The following SUPT3H variants were observed in gnomAD, a reference collection of about 807,000 sequenced individuals.
The protein encoded by SUPT3H is transcription initiation protein SPT3 homolog.
Under a neutral mutation model 44.3 loss-of-function variants are expected in SUPT3H, and 44 were observed. The ratio of observed to expected loss-of-function variants is 0.99; its 90% CI spans 0.78 to 1.28. The LOEUF is 1.28. Among genes scored for constraint, SUPT3H ranks in the 50% most tolerant of loss-of-function variants. The pLI is 0.00. For synonymous variants in SUPT3H, 124 were observed against 125.6 expected, an observed-to-expected ratio of 0.99 and a Z score of 0.09; for missense variants, 380 against 387.1, an observed-to-expected ratio of 0.98 and a Z score of 0.15.
intron 3 of SUPT3H, among the ~76,000 whole-genome samples, chr6:45,050,048 A>T (rs546056210): frequency 6.6e-6 from 1 of 152,318 alleles, no homozygotes; most frequent in East Asian, 1.9e-4. Flanking sequence ...ATGAACAGGT[A>T]AAACAGAGCT....
At chr6:44,825,260 T>C (rs140661196), downstream of SUPT3H, among the ~76,000 whole-genome samples, 56 of 152,240 alleles carry the variant, frequency 3.7e-4, no homozygotes, top group East Asian at 9.6e-3. Context: ...CCTATATAAT[T>C]ATATTCTATT....
intron 6 of SUPT3H, among the ~76,000 whole-genome samples, chr6:44,980,880 A>G (rs957499325): frequency 6.6e-5 from 10 of 152,220 alleles, no homozygotes; most frequent in South Asian, 6.2e-4. Context: ...ACCATGTCTA[A>G]TAACTGTCCT....
chr6:45,056,341 G>T lies in SUPT3H; in HGVS notation c.187-35709C>A, dbSNP rs552218901. Among the ~76,000 whole-genome samples the T allele has an allele frequency of 2.0e-5, 3 of 152,246 alleles. No homozygotes were observed. The South Asian group carries it at 6.2e-4, about 32-fold the overall frequency. On this transcript the variant is annotated intron_variant, in intron 3 of 10. Coordinates refer to ENST00000371459, the MANE Select transcript of SUPT3H (RefSeq NM_003599.4). ...AATCCCACTCCTGGGTATCTACCCA[G>T]AGGAAAATAAGTCATTATATGAAAA...
chr6:44,852,199 T>C (rs1473499641), intron 10 of SUPT3H, among the ~76,000 whole-genome samples: 1 of 152,174 alleles, frequency 6.6e-6, no homozygotes, highest in African/African-American at 2.4e-5. Flanking sequence ...ATTAGGCAAA[T>C]GGGCACCTGA....
At chr6:45,003,536 T>C in intron 6 of SUPT3H, 117 bp downstream of exon 6, 1 of 1,258,746 alleles carries the variant, frequency 7.9e-7, no homozygotes, top group Non-Finnish European at 1.1e-6. Context: ...CCATCAGACA[T>C]AAAACCACTG....
downstream of SUPT3H, among the ~76,000 whole-genome samples, chr6:44,825,903 A>G (rs529996402): frequency 3.2e-3 from 494 of 152,306 alleles, 8 homozygotes; most frequent in African/African-American, 0.011. Context: ...AGATAATTAC[A>G]GTGGCTCCCA....
In SUPT3H at chr6:45,246,757, A is replaced by C. The variant is rs961060052; in HGVS notation, c.101+118444T>G. ...ATTCACGGGTCAAGGCAGATGTCTT[A>C]AGGGGATTTACACATATTTTTAACT... On this transcript the variant is annotated intron_variant, in intron 2 of 10. Coordinates refer to ENST00000371459, the MANE Select transcript of SUPT3H (RefSeq NM_003599.4). 2.6e-5 allele frequency among the ~76,000 whole-genome samples: 4 copies of C among 152,302 alleles called. 1 individual carries two copies. Among genetic ancestry groups the C allele is most frequent in the Admixed American group, 2.0e-4 (3 of 15,296 alleles).
intron 10 of SUPT3H, among the ~76,000 whole-genome samples, chr6:44,900,825 T>G (rs1020174044): frequency 3.3e-5 from 5 of 152,114 alleles, no homozygotes; most frequent in Non-Finnish European, 7.4e-5. Flanking sequence ...GAGACAAAAC[T>G]TCCAGAGGAA....
intron 10 of SUPT3H, among the ~76,000 whole-genome samples, chr6:44,909,597 G>A (rs548411714): frequency 2.0e-5 from 3 of 152,254 alleles, no homozygotes; most frequent in Admixed American, 1.3e-4. Flanking sequence ...ATTTTCCTAT[G>A]TACGAAGACT....
intron 9 of SUPT3H, 54 bp from the exon 10 acceptor site, chr6:44,932,817 TA>T: frequency 8.4e-7 from 1 of 1,196,046 alleles, no homozygotes; most frequent in Non-Finnish European, 1.2e-6. Flanking sequence ...GCAACAGAAC[TA>T]CAGTGTATAA....
chr6:45,230,815 A>C (rs1043704546), intron 2 of SUPT3H, among the ~76,000 whole-genome samples: 20 of 150,834 alleles, frequency 1.3e-4, no homozygotes, highest in Non-Finnish European at 8.9e-5. Context: ...TGGGATTACA[A>C]GCATGTGCCA....
intron 2 of SUPT3H, among the ~76,000 whole-genome samples, chr6:45,300,086 T>C (rs139347139): frequency 2.0e-5 from 3 of 152,318 alleles, no homozygotes; most frequent in African/African-American, 7.2e-5. Flanking sequence ...ACTGAAACTA[T>C]GTCAAGAATA....
chr6:45,371,549 C>T (rs1796079395), intron 1 of SUPT3H, among the ~76,000 whole-genome samples: 1 of 152,098 alleles, frequency 6.6e-6, no homozygotes, highest in Admixed American at 6.6e-5. Flanking sequence ...TTTAGATATA[C>T]TATGTTTTAA....
intron 2 of SUPT3H, among the ~76,000 whole-genome samples, chr6:45,156,056 G>C (rs1807764882): frequency 6.6e-6 from 1 of 151,716 alleles, no homozygotes; most frequent in African/African-American, 2.4e-5. Flanking sequence ...TATGTTCTAG[G>C]GGATTTAAAA....
intron 5 of SUPT3H, among the ~76,000 whole-genome samples, chr6:45,007,635 G>A (rs548100691): frequency 6.6e-6 from 1 of 151,854 alleles, no homozygotes; most frequent in African/African-American, 2.4e-5. Flanking sequence ...TAAAATTTAA[G>A]TTGTCATCTA....
At chr6:44,844,521 C>T (rs904492510) in intron 10 of SUPT3H, among the ~76,000 whole-genome samples, 3 of 151,952 alleles carry the variant, frequency 2.0e-5, no homozygotes, top group Non-Finnish European at 4.4e-5. Context: ...AAACCAAATG[C>T]GGTACACCCA....
At position 44,828,125 on chromosome 6, in the gene SUPT3H, T is replaced by G. The variant is rs1184077490; in HGVS notation, c.*1691A>C. On this transcript the variant is annotated 3_prime_UTR_variant, in exon 11 of 11. Transcript: ENST00000371459. ...ATGTGAAAAATTATCCCCTGAAAAT[T>G]TTATACCATCTATAAGCCTGGCAGA... Among the ~76,000 whole-genome samples, 1 of 152,106 alleles carries G rather than the reference T, an allele frequency of 6.6e-6. No homozygotes were observed. Among genetic ancestry groups the G allele is most frequent in the African/African-American group, 2.4e-5 (1 of 41,430 alleles).
chr6:45,364,705 G>A (rs1326321519), intron 2 of SUPT3H, among the ~76,000 whole-genome samples: 2 of 152,108 alleles, frequency 1.3e-5, no homozygotes, highest in East Asian at 1.9e-4. Context: ...TTTTTCAAAT[G>A]CTCTAAGTTT....
At chr6:45,045,459 T>C (rs1467668460) in intron 3 of SUPT3H, among the ~76,000 whole-genome samples, 1 of 152,172 alleles carries the variant, frequency 6.6e-6, no homozygotes, top group Non-Finnish European at 1.5e-5. Flanking sequence ...TTATCTATTG[T>C]TGGTGTATAG....
Sources: allele counts gnomAD v4.1 joint callset (sites outside exome capture counted in the v4.1 genomes callset), GRCh38; gene constraint gnomAD v4.1.1; transcripts MANE v1.5; gene names NCBI Gene and HGNC (gene_info 2026-07-23, HGNC 2026-07-21).